The following ALOXE3 variants were observed in gnomAD, a reference collection of about 807,000 sequenced individuals.
ALOXE3 encodes the protein hydroperoxide isomerase ALOXE3.
A neutral mutation model predicts 87.5 loss-of-function variants in ALOXE3; 78 were observed. That is an observed-to-expected ratio of 0.89 (90% CI 0.74 to 1.08). The LOEUF is 1.08. ALOXE3 is among the 50% of genes least tolerant of loss of function. The pLI is 0.00. For missense variants in ALOXE3, 946 were observed against 912.4 expected (o/e 1.04, Z -0.47); for synonymous variants, 363 against 370.8 (o/e 0.98, Z 0.24).
intron 11 of ALOXE3, 21 bp from the exon 12 acceptor site, chr17:8,109,364 G>C (rs1216180194): frequency 2.5e-6 from 4 of 1,611,350 alleles, no homozygotes; most frequent in Non-Finnish European, 8.5e-7. Flanking sequence ...AGCACAGCTC[G>C]GCTCCCGGGC....
chr17:8,109,983 C>T lies in ALOXE3; in HGVS notation c.1325G>A (p.Arg442Gln). ...PIYKLLLPHT[R>Q]YTLQVNTIAR... ...GATGGTGTTCACCTGCAGCGTGTAT[C>T]GAGTGTGGGGGAGTAGGAGCTGCGA... is the stretch of plus-strand genomic sequence containing the variant. Residue 442 changes from arginine to glutamine, a missense_variant, in exon 11 of 16, where the codon CGA (arginine) becomes CAA (glutamine). Coordinates refer to ENST00000448843, the MANE Select transcript of ALOXE3 (RefSeq NM_021628.3). The T allele has an allele frequency of 6.4e-7, 1 of 1,552,972 alleles. No individual in the cohort carries two copies. Among genetic ancestry groups the T allele is most frequent in the Non-Finnish European group, 8.7e-7 (1 of 1,147,712 alleles).
chr17:8,099,392 A>G (rs1598193861), intron 15 of ALOXE3, among the ~76,000 whole-genome samples: 1 of 151,778 alleles, frequency 6.6e-6, no homozygotes, highest in Admixed American at 6.6e-5. Context: ...CCGGGCGCGG[A>G]GGCTCACGCC....
At position 8,103,277 on chromosome 17, in the gene ALOXE3, G is replaced by C. The variant is rs770057653; in HGVS notation, c.1956+46C>G. 8.1e-6 allele frequency: 13 copies of C among 1,608,220 alleles called. No individual in the cohort carries two copies. The South Asian group carries it at 1.0e-4, about 12-fold the overall frequency. ...AGACGAAGCCACCACCACCCCTACT[G>C]GTGGCCCTAAAGAACCCTACTCCCC... On this transcript the variant is annotated intron_variant, in intron 15 of 15. Coordinates refer to ENST00000448843, the MANE Select transcript of ALOXE3 (RefSeq NM_021628.3).
chr17:8,114,792 T>C, intron 5 of ALOXE3, 146 bp downstream of exon 5: 1 of 1,466,556 alleles, frequency 6.8e-7, no homozygotes, highest in Non-Finnish European at 9.4e-7. Context: ...TGCCAGACCC[T>C]TTGGGGCCAT....
At chr17:8,105,695 G>A (rs1979248548) in intron 13 of ALOXE3, among the ~76,000 whole-genome samples, 1 of 152,064 alleles carries the variant, frequency 6.6e-6, no homozygotes, top group South Asian at 2.1e-4. Flanking sequence ...TCAAGCCCAG[G>A]AGTTTGAGAC....
rs77834202 is a variant in ALOXE3 at position 8,108,331 on chromosome 17, T to C, written c.1684+137A>G. On this transcript the variant is annotated intron_variant, in intron 13 of 15. Transcript: ENST00000448843. ...CTTGCACAGCCTTCTTTGTGCCTCT[T>C]TCCATATCTGCTAGTTGGGGATATT... 2.4e-3 allele frequency: 3,282 copies of C among 1,369,074 alleles called. 63 individuals are homozygous for C. In the African/African-American group the frequency reaches 0.031, roughly 13 times the overall value. The allele number at this position is 1,369,074 out of a possible 1,614,324, so 84.8% of individuals were successfully genotyped here.
chr17:8,102,919 C>T (rs1446217803), intron 15 of ALOXE3, among the ~76,000 whole-genome samples: 2 of 152,184 alleles, frequency 1.3e-5, no homozygotes, highest in South Asian at 2.1e-4. Context: ...TCCTACAACA[C>T]GGTGGTGCCC....
intron 9 of ALOXE3, 39 bp downstream of exon 9, chr17:8,110,346 A>G (rs1323533043): frequency 3.1e-6 from 5 of 1,607,080 alleles, no homozygotes; most frequent in Admixed American, 3.4e-5. Flanking sequence ...GGCGGTTAGC[A>G]CCTGAGCCCC....
upstream of ALOXE3, chr17:8,118,796 C>A (rs908419647): frequency 1.3e-6 from 2 of 1,537,022 alleles, no homozygotes; most frequent in Non-Finnish European, 8.7e-7. Context: ...GCTCCAGGAC[C>A]GCCCTGGGCC....
intron 5 of ALOXE3, 69 bp downstream of exon 5, chr17:8,114,869 G>A (rs1409186314): frequency 6.2e-7 from 1 of 1,606,104 alleles, no homozygotes; most frequent in Non-Finnish European, 8.5e-7. Context: ...CTGGCTATCA[G>A]GACCCCATCC....
chr17:8,103,015 C>T (rs1421834318), intron 15 of ALOXE3, among the ~76,000 whole-genome samples: 2 of 152,164 alleles, frequency 1.3e-5, no homozygotes. Flanking sequence ...AGGCCTGGTG[C>T]CCAGTGCTGT....
chr17:8,110,322 T>A (rs1475858460), intron 9 of ALOXE3, 27 bp from the exon 10 acceptor site: 2 of 1,611,988 alleles, frequency 1.2e-6, no homozygotes, highest in Non-Finnish European at 1.7e-6. Context: ...CGAGGGATGA[T>A]GGGGCTCCGG....
intron 6 of ALOXE3, 34 bp from the exon 7 acceptor site, chr17:8,112,230 G>C (rs1268142021): frequency 1.3e-6 from 2 of 1,518,916 alleles, no homozygotes; most frequent in East Asian, 2.3e-5. Context: ...GGTGAGGTCT[G>C]GGGGCTAGAG....
chr17:8,116,680 A>C, intron 3 of ALOXE3, 96 bp downstream of exon 3: 1 of 1,434,378 alleles, frequency 7.0e-7, no homozygotes, highest in African/African-American at 1.4e-5. Flanking sequence ...TTCTGACCTC[A>C]ATCTTATTCC....
At chr17:8,107,876 A>G (rs1567996182) in intron 13 of ALOXE3, among the ~76,000 whole-genome samples, 478 of 4,206 alleles carry the variant, frequency 0.11, 142 homozygotes, top group Non-Finnish European at 0.21. Context: ...AAAGAAAGAA[A>G]GAAAGAAAGA....
At position 8,096,370 on chromosome 17, in the gene ALOXE3, C is replaced by T; in HGVS notation, c.*257G>A. ...AGTGGGGCAAGAAGTGAAGCGGTTC[C>T]TTCCTTTCGGAGGGGCTATTGTGCA... On this transcript the variant is annotated 3_prime_UTR_variant, in exon 16 of 16. Transcript: ENST00000448843. 2.1e-6 allele frequency: 1 copy of T among 478,840 alleles called. No homozygotes were observed. The highest frequency in any genetic ancestry group is 3.7e-5 in the East Asian group (1 of 27,306). The allele number at this position is 478,840 out of a possible 1,614,324, so 29.7% of individuals were successfully genotyped here.
At position 8,110,104 on chromosome 17, in the gene ALOXE3, G is replaced by GT. The variant is rs1567999431; in HGVS notation, c.1292dup (p.His431GlnfsTer90). ...CGGGGTCGCGGACCTTGTAGATGGG[G>GT]TGGCAGAGCGGCAGCTGGCGCAGCG... On this transcript the variant is annotated frameshift_variant, in exon 10 of 16. Transcript: ENST00000448843. LOFTEE classifies it high-confidence loss of function. 1 of 1,613,104 alleles carries GT rather than the reference G, an allele frequency of 6.2e-7. No homozygotes were observed. The highest frequency in any genetic ancestry group is 8.5e-7 in the Non-Finnish European group (1 of 1,179,578).
In ALOXE3 at chr17:8,099,888, A is replaced by G. The variant is rs536341959; in HGVS notation, c.1957-3082T>C. On this transcript the variant is annotated intron_variant, in intron 15 of 15. Coordinates refer to ENST00000448843, the MANE Select transcript of ALOXE3 (RefSeq NM_021628.3). ...AGTTCAAGACCAGCCTGGGCAATAT[A>G]ACAAGACCCTGTCTCTACCAAAAAT... Among the ~76,000 whole-genome samples the G allele has an allele frequency of 2.2e-4, 33 of 152,064 alleles. No individual in the cohort carries two copies. In the South Asian group the frequency reaches 6.0e-3, roughly 28 times the overall value.
intron 4 of ALOXE3, among the ~76,000 whole-genome samples, 199 bp from the exon 5 acceptor site, chr17:8,115,256 G>T (rs535160586): frequency 3.3e-5 from 5 of 152,352 alleles, no homozygotes; most frequent in African/African-American, 1.2e-4. Context: ...CCCACACTGG[G>T]TTAGAGATGG....
Sources: allele counts gnomAD v4.1 joint callset (sites outside exome capture counted in the v4.1 genomes callset), GRCh38; gene constraint gnomAD v4.1.1; transcripts MANE v1.5; gene names NCBI Gene and HGNC (gene_info 2026-07-23, HGNC 2026-07-21).